Variants in MID1 observed in about 807,000 individuals in gnomAD.
MID1 encodes E3 ubiquitin-protein ligase Midline-1.
MID1 carries 7 observed loss-of-function variants against 40.4 expected under a neutral mutation model. That is an observed-to-expected ratio of 0.17 (90% CI 0.10 to 0.33). The LOEUF (loss-of-function observed/expected upper bound fraction) is 0.33, where lower values mean the gene tolerates loss of function less well. Ranked by LOEUF, MID1 falls within the 10% of genes least tolerant of loss-of-function variation. The probability of loss-of-function intolerance (pLI) is 1.00; values close to 1 mark genes in which losing one functional copy is unlikely to be tolerated. For synonymous variants in MID1, 229 were observed against 221.2 expected, an observed-to-expected ratio of 1.04 and a Z score of -0.31; for missense variants, 367 against 558.5, an observed-to-expected ratio of 0.66 and a Z score of 3.46.
intron 2 of MID1, among the ~76,000 whole-genome samples, chrX:10,528,185 T>G (rs1390208026): frequency 9.0e-6 from 1 of 111,311 alleles, no homozygotes; most frequent in Non-Finnish European, 1.9e-5. Context: ...GCCACAAATG[T>G]GAGTCACATT....
intron 1 of MID1, among the ~76,000 whole-genome samples, chrX:10,615,925 T>A (rs909481550): frequency 8.0e-5 from 9 of 112,691 alleles, no homozygotes; most frequent in Non-Finnish European, 1.5e-4. Context: ...CCTGGCTTTA[T>A]CGCCCTTTCT....
chrX:10,623,766 CA>C (rs1473129346), upstream of MID1, among the ~76,000 whole-genome samples: 1 of 111,518 alleles, frequency 9.0e-6, no homozygotes, highest in Non-Finnish European at 1.9e-5. Flanking sequence ...CAGGACACAT[CA>C]AAAGTCAATG....
chrX:10,787,727 C>G (rs1391263252), intron 1 of MID1, among the ~76,000 whole-genome samples: 1 of 104,864 alleles, frequency 9.5e-6, no homozygotes, highest in Non-Finnish European at 1.9e-5. Flanking sequence ...CCACTTCTAT[C>G]TAAAGAAAGG....
chrX:10,516,830 G>T (rs1211798333), intron 3 of MID1, among the ~76,000 whole-genome samples: 1 of 109,943 alleles, frequency 9.1e-6, no homozygotes, highest in Non-Finnish European at 1.9e-5. Context: ...TGCCCAGGCT[G>T]TTATTGAATC....
chrX:10,492,817 G>C (rs2147316109), intron 4 of MID1, among the ~76,000 whole-genome samples: 1 of 112,308 alleles, frequency 8.9e-6, no homozygotes. Flanking sequence ...TTTTGGTTCA[G>C]CTATATGTCT....
At chrX:10,832,785 A>G (rs2044261026) in intron 1 of MID1, among the ~76,000 whole-genome samples, 1 of 112,146 alleles carries the variant, frequency 8.9e-6, no homozygotes, top group South Asian at 3.7e-4. Flanking sequence ...GTTCCCAAGT[A>G]TAATTAAAAT....
chrX:10,787,072 G>T (rs1290062623), intron 1 of MID1, among the ~76,000 whole-genome samples: 1 of 111,455 alleles, frequency 9.0e-6, no homozygotes, highest in South Asian at 3.8e-4. Context: ...AGTAGGAAAA[G>T]ATACAGGTTT....
chrX:10,516,560 TTGTGTGTGTGTGTGTGTGTGTGTG>T (rs57101806), intron 3 of MID1, among the ~76,000 whole-genome samples: 10 of 73,365 alleles, frequency 1.4e-4, no homozygotes, highest in African/African-American at 1.7e-4. Flanking sequence ...TACTCTGCTC[TTGTGTGTGTGTGTGTGTGTGTGTG>T]TGTGTGTGTG....
chrX:10,750,831 T>C (rs957161118), intron 1 of MID1, among the ~76,000 whole-genome samples: 2 of 109,576 alleles, frequency 1.8e-5, no homozygotes, highest in Non-Finnish European at 3.8e-5. Context: ...GCTGATGAGG[T>C]GTGAGTCTTT....
chrX:10,753,930 A>G (rs1169002462), intron 1 of MID1, among the ~76,000 whole-genome samples: 2 of 112,444 alleles, frequency 1.8e-5, no homozygotes, highest in Non-Finnish European at 3.7e-5. Context: ...TTGAAGTTTT[A>G]GGCTACTAAG....
At chrX:10,759,297 G>A (rs1194627043) in intron 1 of MID1, among the ~76,000 whole-genome samples, 2 of 111,826 alleles carry the variant, frequency 1.8e-5, no homozygotes, top group Admixed American at 9.5e-5. Context: ...TGCTGGCGAC[G>A]CAGGGCTGAG....
intron 1 of MID1, among the ~76,000 whole-genome samples, chrX:10,721,678 A>G (rs903293173): frequency 9.2e-6 from 1 of 108,908 alleles, no homozygotes; most frequent in Non-Finnish European, 1.9e-5. Flanking sequence ...GATGCTAGCA[A>G]AAACCAATAA....
At chrX:10,508,620 G>A (rs1931963044) in intron 3 of MID1, among the ~76,000 whole-genome samples, 1 of 111,609 alleles carries the variant, frequency 9.0e-6, no homozygotes, top group Non-Finnish European at 1.9e-5. Flanking sequence ...GGAGATCAGA[G>A]TAGGCAAGAC....
At chrX:10,511,624 A>G (rs752271829) in intron 3 of MID1, among the ~76,000 whole-genome samples, 1 of 112,130 alleles carries the variant, frequency 8.9e-6, no homozygotes, top group African/African-American at 3.2e-5. Context: ...CTTGGCCTCA[A>G]ACAATCCTCC....
At chrX:10,711,028 A>G (rs905755160) in intron 1 of MID1, among the ~76,000 whole-genome samples, 3 of 111,401 alleles carry the variant, frequency 2.7e-5, no homozygotes, top group Non-Finnish European at 3.8e-5. Flanking sequence ...CTCCTCCTCA[A>G]TGATGGCACT....
chrX:10,814,172 C>T (rs1007101502), intron 1 of MID1, among the ~76,000 whole-genome samples: 14 of 111,432 alleles, frequency 1.3e-4, no homozygotes, highest in Admixed American at 4.8e-4. Flanking sequence ...GGATTTAGCC[C>T]GCAGGCCATA....
chrX:10,661,233 T>C (rs2042909368), intron 1 of MID1, among the ~76,000 whole-genome samples: 1 of 111,752 alleles, frequency 8.9e-6, no homozygotes, highest in Non-Finnish European at 1.9e-5. Context: ...TTATGAAAGA[T>C]GTTTTCATTG....
intron 1 of MID1, among the ~76,000 whole-genome samples, chrX:10,652,744 G>A (rs1331039728): frequency 9.0e-6 from 1 of 111,328 alleles, no homozygotes; most frequent in Non-Finnish European, 1.9e-5. Context: ...CTTCACAGAC[G>A]CCACAGGCTC....
chrX:10,521,660 T>C (rs1380744771), intron 3 of MID1, among the ~76,000 whole-genome samples: 2 of 111,894 alleles, frequency 1.8e-5, no homozygotes, highest in Non-Finnish European at 3.8e-5. Context: ...TTTTTCCTTA[T>C]TCAGTGTAGT....
Sources: gnomAD v4.1 joint callset for allele counts (sites outside exome capture counted in the v4.1 genomes callset) on GRCh38, gnomAD v4.1.1 for gene constraint, MANE v1.5 for transcripts, NCBI Gene and HGNC (gene_info 2026-07-23, HGNC 2026-07-21) for gene names.